ACSL3: variants seen among roughly 807,000 people sequenced by gnomAD.
The protein encoded by ACSL3 is fatty acid CoA ligase Acsl3.
ACSL3 carries 34 observed loss-of-function variants against 84.7 expected under a neutral mutation model. The observed-to-expected ratio is 0.40, with a 90% CI of 0.31 to 0.53. The LOEUF is 0.53. Among genes scored for constraint, ACSL3 ranks in the 20% least tolerant of loss-of-function variants. The probability of loss-of-function intolerance (pLI) is 0.48; values close to 1 mark genes in which losing one functional copy is unlikely to be tolerated. For missense variants in ACSL3, 680 were observed against 873.1 expected, an observed-to-expected ratio of 0.78 and a Z score of 2.79; for synonymous variants, 315 against 299.4, an observed-to-expected ratio of 1.05 and a Z score of -0.54.
intron 1 of ACSL3, among the ~76,000 whole-genome samples, chr2:222,862,414 AT>A (rs901959622): frequency 4.6e-5 from 7 of 152,078 alleles, no homozygotes; most frequent in African/African-American, 1.7e-4. Context: ...TCCACAGTGG[AT>A]TTTAGTCTGG....
chr2:222,868,514 A>G (rs1695212176), intron 1 of ACSL3, among the ~76,000 whole-genome samples: 1 of 152,054 alleles, frequency 6.6e-6, no homozygotes, highest in Non-Finnish European at 1.5e-5. Flanking sequence ...TTGAAGCAGC[A>G]TTTTAACACA....
At chr2:222,914,246 T>C (rs981947126) in intron 4 of ACSL3, among the ~76,000 whole-genome samples, 13 of 134,986 alleles carry the variant, frequency 9.6e-5, no homozygotes, top group Non-Finnish European at 1.6e-4. Flanking sequence ...TGTGTGTGTG[T>C]GTGTGTGTGT....
intron 16 of ACSL3, among the ~76,000 whole-genome samples, chr2:222,935,659 C>A (rs1347458926): frequency 6.6e-6 from 1 of 152,154 alleles, no homozygotes; most frequent in African/African-American, 2.4e-5. Flanking sequence ...TCTTTGAAGA[C>A]TGAAACCTTG....
rs865774393 is a variant in ACSL3 at position 222,872,113 on chromosome 2, C to T, written c.-207+10855C>T. Among the ~76,000 whole-genome samples the T allele has an allele frequency of 4.5e-4, 68 of 152,168 alleles. 1 individual carries two copies. Among genetic ancestry groups the T allele is most frequent in the Middle Eastern group, 6.8e-3 (2 of 294 alleles). On this transcript the variant is annotated intron_variant, in intron 1 of 16. Coordinates refer to ENST00000357430, the MANE Select transcript of ACSL3 (RefSeq NM_004457.5). ...TAAGGTTATAAAATAGATAATAGTA[C>T]TAAGACAATTAATTTTTTGTTTTAT...
intron 4 of ACSL3, 141 bp from the exon 5 acceptor site, chr2:222,916,178 T>A: frequency 2.0e-6 from 1 of 504,906 alleles, no homozygotes; most frequent in South Asian, 7.6e-5. Flanking sequence ...TCACTCAAAC[T>A]CAGTTTCTGG....
chr2:222,921,640 A>T (rs533137196), intron 8 of ACSL3, among the ~76,000 whole-genome samples: 2 of 152,202 alleles, frequency 1.3e-5, no homozygotes, highest in Non-Finnish European at 2.9e-5. Flanking sequence ...GATATATTTT[A>T]AAAAGTACAG....
chr2:222,892,299 A>G lies in ACSL3; in HGVS notation c.-148+4411A>G, dbSNP rs139682947. ...TTTCGGGAGGGAGGCAGCAGGATAT[A>G]TAGTAAGTAAATGTTTTAAAACCAT... On this transcript the variant is annotated intron_variant, in intron 2 of 16. Transcript: ENST00000357430. Among the ~76,000 whole-genome samples the G allele has an allele frequency of 2.5e-3, 385 of 152,334 alleles. 3 individuals are homozygous for G. Among genetic ancestry groups the G allele is most frequent in the Middle Eastern group, 0.01 (3 of 294 alleles).
chr2:222,914,509 G>T (rs538406037), intron 4 of ACSL3, among the ~76,000 whole-genome samples: 2 of 152,222 alleles, frequency 1.3e-5, no homozygotes, highest in African/African-American at 4.8e-5. Context: ...TGAGTTGCCT[G>T]TCTCAGCCTT....
intron 2 of ACSL3, among the ~76,000 whole-genome samples, chr2:222,888,995 C>G (rs1045357679): frequency 6.6e-6 from 1 of 152,174 alleles, no homozygotes; most frequent in Non-Finnish European, 1.5e-5. Flanking sequence ...CTACAAATTT[C>G]TTTTAGTAGT....
At chr2:222,862,808 A>G (rs990570634) in intron 1 of ACSL3, among the ~76,000 whole-genome samples, 1 of 152,166 alleles carries the variant, frequency 6.6e-6, no homozygotes, top group Non-Finnish European at 1.5e-5. Context: ...TTTGGATCTC[A>G]GTTACTGAAT....
At chr2:222,917,139 G>A (rs1053431569) in intron 5 of ACSL3, among the ~76,000 whole-genome samples, 2 of 152,072 alleles carry the variant, frequency 1.3e-5, no homozygotes, top group African/African-American at 4.8e-5. Context: ...CGCCAGGCTG[G>A]AGTGCAGTGG....
chr2:222,862,587 T>A (rs1395329657), intron 1 of ACSL3, among the ~76,000 whole-genome samples: 1 of 152,248 alleles, frequency 6.6e-6, no homozygotes. Context: ...GGGAATCTTT[T>A]GCACAGACTT....
intron 3 of ACSL3, among the ~76,000 whole-genome samples, chr2:222,902,196 GATA>G (rs369822457): frequency 5.3e-5 from 8 of 152,154 alleles, no homozygotes; most frequent in African/African-American, 1.9e-4. Flanking sequence ...AATCTTGTAA[GATA>G]ATGTTATGTA....
At chr2:222,916,639 T>C (rs1456695759) in intron 5 of ACSL3, 143 bp downstream of exon 5, 1 of 896,638 alleles carries the variant, frequency 1.1e-6, no homozygotes, top group Non-Finnish European at 1.6e-6. Context: ...TTGGAATTTT[T>C]GGTTTATTTT....
At chr2:222,892,734 G>A (rs1695873947) in intron 2 of ACSL3, among the ~76,000 whole-genome samples, 1 of 152,168 alleles carries the variant, frequency 6.6e-6, no homozygotes, top group Non-Finnish European at 1.5e-5. Flanking sequence ...AAAAAGTTTG[G>A]ACATGCCTTG....
intron 4 of ACSL3, 145 bp from the exon 5 acceptor site, chr2:222,916,174 A>C (rs1209141484): frequency 8.0e-6 from 4 of 496,956 alleles, no homozygotes; most frequent in Non-Finnish European, 1.3e-5. Context: ...TTTTTCACTC[A>C]AACTCAGTTT....
chr2:222,906,511 A>C (rs1696297566), intron 3 of ACSL3, among the ~76,000 whole-genome samples: 1 of 152,084 alleles, frequency 6.6e-6, no homozygotes, highest in Non-Finnish European at 1.5e-5. Context: ...GAGGCTTGTC[A>C]TGTCAAAAAG....
intron 16 of ACSL3, among the ~76,000 whole-genome samples, chr2:222,940,765 T>C (rs1028037895): frequency 6.6e-6 from 1 of 152,210 alleles, no homozygotes; most frequent in African/African-American, 2.4e-5. Context: ...ACCATCGACA[T>C]TCGTGTAAGA....
chr2:222,899,258 T>C (rs2106109695), intron 2 of ACSL3, among the ~76,000 whole-genome samples: 1 of 152,236 alleles, frequency 6.6e-6, no homozygotes, highest in Middle Eastern at 3.4e-3. Flanking sequence ...CTGTTCAAGT[T>C]TACTTTTACT....
Sources: gnomAD v4.1 joint callset for allele counts (sites outside exome capture counted in the v4.1 genomes callset) on GRCh38, gnomAD v4.1.1 for gene constraint, MANE v1.5 for transcripts, NCBI Gene and HGNC (gene_info 2026-07-23, HGNC 2026-07-21) for gene names.